Variants in PDE7B observed in about 807,000 individuals in gnomAD.
PDE7B encodes the protein phosphodiesterase 7B, also known as 3',5'-cyclic-AMP phosphodiesterase 7B.
In PDE7B, 29 loss-of-function variants were observed where a neutral mutation model predicts 56.2. That is an observed-to-expected ratio of 0.52 (90% CI 0.38 to 0.70). The LOEUF (loss-of-function observed/expected upper bound fraction) is 0.70, where lower values mean the gene tolerates loss of function less well. Ranked by LOEUF, PDE7B falls within the 30% of genes least tolerant of loss-of-function variation. PDE7B has a pLI of 0.00. For synonymous variants in PDE7B, 197 were observed against 196.9 expected, an observed-to-expected ratio of 1.00 and a Z score of 0.00; for missense variants, 490 against 565.0, an observed-to-expected ratio of 0.87 and a Z score of 1.35.
intron 2 of PDE7B, among the ~76,000 whole-genome samples, chr6:136,068,426 T>C (rs1294961685): frequency 5.6e-4 from 25 of 44,962 alleles, no homozygotes; most frequent in African/African-American, 2.8e-3. Flanking sequence ...AAGATTCCTT[T>C]TTTTTTTTTT....
At position 136,155,733 on chromosome 6, in the gene PDE7B, A is replaced by T. The variant is rs1778592747; in HGVS notation, c.686A>T (p.Asn229Ile). 1.2e-6 allele frequency: 2 copies of T among 1,614,110 alleles called. No homozygotes were observed. The highest frequency in any genetic ancestry group is 1.7e-6 in the Non-Finnish European group (2 of 1,179,996). ...AACCAGCCATTTTTGATAAAAACTA[A>T]CCACCATCTTGCAAACCTATATCAG... ...GVNQPFLIKT[N>I]HHLANLYQNM... Residue 229 changes from asparagine to isoleucine, a missense_variant, in exon 8 of 13, where the codon AAC becomes ATC. Asn to Ile is a moderately radical substitution (Grantham distance 149). Transcript: ENST00000308191.
chr6:136,133,430 T>G (rs1332358377), intron 3 of PDE7B, among the ~76,000 whole-genome samples: 1 of 152,026 alleles, frequency 6.6e-6, no homozygotes, highest in Non-Finnish European at 1.5e-5. Flanking sequence ...AGAAAAGAAA[T>G]AGAGGTTCAA....
At chr6:136,113,804 TCTG>T (rs1287953658) in intron 3 of PDE7B, among the ~76,000 whole-genome samples, 1 of 152,192 alleles carries the variant, frequency 6.6e-6, no homozygotes, top group African/African-American at 2.4e-5. Flanking sequence ...ATTACAACCT[TCTG>T]CAGAGCAGGC....
chr6:135,890,850 C>T (rs1411208481), intron 1 of PDE7B, among the ~76,000 whole-genome samples: 1 of 152,154 alleles, frequency 6.6e-6, no homozygotes, highest in African/African-American at 2.4e-5. Context: ...ACCGAGGCTG[C>T]TCTACCCATG....
intron 1 of PDE7B, among the ~76,000 whole-genome samples, chr6:135,935,874 T>C (rs995486060): frequency 1.3e-5 from 2 of 152,228 alleles, no homozygotes; most frequent in Non-Finnish European, 2.9e-5. Flanking sequence ...GCCAAATGCA[T>C]GTCTCAGCGC....
At chr6:135,990,145 G>A (rs1008514513) in intron 2 of PDE7B, among the ~76,000 whole-genome samples, 3 of 150,940 alleles carry the variant, frequency 2.0e-5, no homozygotes, top group African/African-American at 7.3e-5. Context: ...GCCCAGGCTG[G>A]AGTGCAATGG....
At chr6:135,992,435 T>C (rs532063929) in intron 2 of PDE7B, among the ~76,000 whole-genome samples, 6 of 152,310 alleles carry the variant, frequency 3.9e-5, no homozygotes, top group Admixed American at 3.9e-4. Context: ...TTCAAATATA[T>C]ATCATTAATT....
chr6:135,988,975 T>G (rs1764512724), intron 2 of PDE7B, among the ~76,000 whole-genome samples: 1 of 152,240 alleles, frequency 6.6e-6, no homozygotes, highest in African/African-American at 2.4e-5. Context: ...AATATAACCC[T>G]TACATAATCT....
At chr6:135,885,872 TAAGAC>T (rs1469227541) in intron 1 of PDE7B, among the ~76,000 whole-genome samples, 2 of 151,918 alleles carry the variant, frequency 1.3e-5, no homozygotes, top group African/African-American at 4.8e-5. Flanking sequence ...TCATAACTGT[TAAGAC>T]AAGATGCTCT....
At chr6:136,009,402 T>C (rs1284733632) in intron 2 of PDE7B, among the ~76,000 whole-genome samples, 2 of 152,136 alleles carry the variant, frequency 1.3e-5, no homozygotes, top group African/African-American at 4.8e-5. Flanking sequence ...GGGGATGGCA[T>C]TGAATCTATA....
intron 2 of PDE7B, among the ~76,000 whole-genome samples, chr6:135,952,371 A>G (rs978530965): frequency 6.6e-6 from 1 of 152,198 alleles, no homozygotes; most frequent in Non-Finnish European, 1.5e-5. Flanking sequence ...TCAAAATTGC[A>G]TGGTGCCTCC....
intron 2 of PDE7B, among the ~76,000 whole-genome samples, chr6:136,075,423 A>G (rs1480140955): frequency 1.3e-5 from 2 of 152,162 alleles, no homozygotes; most frequent in African/African-American, 4.8e-5. Context: ...TACGTAATGA[A>G]TGAGATGTTG....
chr6:136,028,893 A>G (rs1450079881), intron 2 of PDE7B, among the ~76,000 whole-genome samples: 1 of 152,218 alleles, frequency 6.6e-6, no homozygotes, highest in African/African-American at 2.4e-5. Context: ...CACCTTTGGA[A>G]GGCCATTATT....
chr6:135,948,876 TAGATAGA>T (rs1562449525), intron 2 of PDE7B, among the ~76,000 whole-genome samples: 2 of 147,784 alleles, frequency 1.4e-5, no homozygotes, highest in Non-Finnish European at 3.0e-5. Context: ...GATAGATAGA[TAGATAGA>T]TAGATAGATA....
rs78451846 is a variant in PDE7B, at chr6:136,078,690, G to A, written c.83-30041G>A. Among the ~76,000 whole-genome samples, 434 of 152,098 alleles carry A rather than the reference G, an allele frequency of 2.9e-3. 3 individuals are homozygous for A. The highest frequency in any genetic ancestry group is 9.4e-3 in the African/African-American group (389 of 41,502). ...CATCTTTATGTGCAAAAAACCTGCCGTCTCCTAAATATCCTTATTTGGGGT... is the reference window on the plus strand; with the variant it reads ...CATCTTTATGTGCAAAAAACCTGCCATCTCCTAAATATCCTTATTTGGGGT... On this transcript the variant is annotated intron_variant, in intron 2 of 12. Coordinates refer to ENST00000308191, the MANE Select transcript of PDE7B (RefSeq NM_018945.4).
chr6:135,942,859 T>TTG (rs145548777), intron 1 of PDE7B, among the ~76,000 whole-genome samples: 18,042 of 151,404 alleles, frequency 0.12, 1,256 homozygotes, highest in South Asian at 0.22. Flanking sequence ...TAATATTCCA[T>TTG]TGTGTGTGTG....
intron 2 of PDE7B, among the ~76,000 whole-genome samples, chr6:135,959,004 T>C (rs1415248984): frequency 2.0e-5 from 3 of 152,186 alleles, no homozygotes; most frequent in Non-Finnish European, 4.4e-5. Flanking sequence ...CATAGGAGCC[T>C]AATTTGATTT....
chr6:135,885,173 T>C (rs1320300278), intron 1 of PDE7B, among the ~76,000 whole-genome samples: 2 of 152,156 alleles, frequency 1.3e-5, no homozygotes, highest in African/African-American at 4.8e-5. Flanking sequence ...TATCTCTCAA[T>C]TTCTCACTTC....
At chr6:135,935,335 A>G (rs1166689585) in intron 1 of PDE7B, among the ~76,000 whole-genome samples, 2 of 149,506 alleles carry the variant, frequency 1.3e-5, no homozygotes, top group South Asian at 2.1e-4. Context: ...AGCATCTGTA[A>G]TAGATTCACT....
Sources: gnomAD v4.1 joint callset for allele counts (sites outside exome capture counted in the v4.1 genomes callset) on GRCh38, gnomAD v4.1.1 for gene constraint, MANE v1.5 for transcripts, NCBI Gene and HGNC (gene_info 2026-07-23, HGNC 2026-07-21) for gene names.